The following PPP1R12A variants were observed in gnomAD, a reference collection of about 807,000 sequenced individuals.
PPP1R12A encodes the protein myosin binding subunit.
A neutral mutation model predicts 139.6 loss-of-function variants in PPP1R12A; 19 were observed. That is an observed-to-expected ratio of 0.14 (90% CI 0.09 to 0.20). PPP1R12A has a LOEUF of 0.20. PPP1R12A is among the 10% of genes least tolerant of loss of function. The pLI is 1.00. For missense variants in PPP1R12A, 925 were observed against 1,211.5 expected, an observed-to-expected ratio of 0.76 and a Z score of 3.51; for synonymous variants, 427 against 420.6, an observed-to-expected ratio of 1.02 and a Z score of -0.19.
chr12:79,872,755 T>G, intron 2 of PPP1R12A, 53 bp downstream of exon 2: 13 of 1,562,520 alleles, frequency 8.3e-6, no homozygotes, highest in Non-Finnish European at 1.0e-5. Context: ...TCAATAAACA[T>G]TCAGGTCTGT....
At chr12:79,803,563 T>C (rs753946914) in intron 14 of PPP1R12A, among the ~76,000 whole-genome samples, 1 of 152,162 alleles carries the variant, frequency 6.6e-6, no homozygotes, top group African/African-American at 2.4e-5. Flanking sequence ...ATACATTTTT[T>C]AGGCAAATTT....
chr12:79,805,835 C>T, intron 13 of PPP1R12A, 67 bp from the exon 14 acceptor site: 9 of 1,464,610 alleles, frequency 6.1e-6, no homozygotes, highest in Non-Finnish European at 8.4e-6. Flanking sequence ...AAAGCACTTT[C>T]TAGCAGCTGA....
At chr12:79,853,848 T>G (rs1233512445) in intron 2 of PPP1R12A, among the ~76,000 whole-genome samples, 3 of 152,238 alleles carry the variant, frequency 2.0e-5, no homozygotes, top group Non-Finnish European at 2.9e-5. Flanking sequence ...TCCTACACAT[T>G]TTAATGTCAT....
At chr12:79,895,387 T>C (rs1885041248) in intron 1 of PPP1R12A, among the ~76,000 whole-genome samples, 1 of 152,196 alleles carries the variant, frequency 6.6e-6, no homozygotes, top group Admixed American at 6.5e-5. Context: ...TTTATCTTTG[T>C]ATTATTTACA....
In PPP1R12A at chr12:79,784,701, G is replaced by A. The variant is rs562296470; in HGVS notation, c.2907+1673C>T. On this transcript the variant is annotated intron_variant, in intron 22 of 24. Coordinates refer to ENST00000450142, the MANE Select transcript of PPP1R12A (RefSeq NM_002480.3). ...ACCCAGGCTGGAGTTGCAGTGGCAC[G>A]ATCTTGGCTTACTGCAACCTCCACC... is the stretch of plus-strand genomic sequence containing the variant. 6.6e-5 allele frequency among the ~76,000 whole-genome samples: 10 copies of A among 152,078 alleles called. No homozygotes were observed. In the South Asian group the frequency reaches 1.5e-3, roughly 22 times the overall value.
chr12:79,900,810 C>T (rs562731798), intron 1 of PPP1R12A, among the ~76,000 whole-genome samples: 144 of 152,206 alleles, frequency 9.5e-4, no homozygotes, highest in Middle Eastern at 3.4e-3. Context: ...GAAGGATTGT[C>T]CATCTATTAA....
chr12:79,843,118 C>T (rs925782938), intron 3 of PPP1R12A, among the ~76,000 whole-genome samples: 1 of 151,996 alleles, frequency 6.6e-6, no homozygotes, highest in Admixed American at 6.6e-5. Context: ...TGTTTGATTT[C>T]CTTCCTTAAG....
intron 1 of PPP1R12A, among the ~76,000 whole-genome samples, chr12:79,931,394 T>A (rs910635294): frequency 6.6e-6 from 1 of 151,948 alleles, no homozygotes; most frequent in Admixed American, 6.6e-5. Context: ...GAAATGAGGC[T>A]TGGAGCTTTG....
At chr12:79,784,870 C>G (rs1870914838) in intron 22 of PPP1R12A, among the ~76,000 whole-genome samples, 1 of 152,136 alleles carries the variant, frequency 6.6e-6, no homozygotes, top group African/African-American at 2.4e-5. Flanking sequence ...AGCTCGTGAC[C>G]TCAGGTGATC....
At chr12:79,778,647 C>A in intron 23 of PPP1R12A, 47 bp from the exon 24 acceptor site, 1 of 1,253,248 alleles carries the variant, frequency 8.0e-7, no homozygotes, top group South Asian at 1.6e-5. Flanking sequence ...TTATTATATT[C>A]TTAAGTCTTC....
chr12:79,884,544 C>T (rs560629404), intron 1 of PPP1R12A, among the ~76,000 whole-genome samples: 136 of 152,068 alleles, frequency 8.9e-4, no homozygotes, highest in African/African-American at 3.1e-3. Context: ...CAAAGCATGC[C>T]CATAAAAATA....
intron 1 of PPP1R12A, among the ~76,000 whole-genome samples, chr12:79,913,536 T>A (rs974650524): frequency 5.3e-4 from 80 of 152,326 alleles, no homozygotes; most frequent in African/African-American, 1.8e-3. Context: ...CATTAGTTTG[T>A]TGTCTAATTT....
At chr12:79,794,850 T>C (rs1872323193) in intron 18 of PPP1R12A, among the ~76,000 whole-genome samples, 1 of 152,148 alleles carries the variant, frequency 6.6e-6, no homozygotes, top group African/African-American at 2.4e-5. Flanking sequence ...ATATATCTTA[T>C]AAACATAACA....
At chr12:79,863,385 G>A (rs1050449320) in intron 2 of PPP1R12A, among the ~76,000 whole-genome samples, 12 of 151,988 alleles carry the variant, frequency 7.9e-5, no homozygotes, top group African/African-American at 2.7e-4. Flanking sequence ...AAATACCATC[G>A]ACACTATGAA....
intron 1 of PPP1R12A, among the ~76,000 whole-genome samples, chr12:79,916,804 C>T (rs1031623871): frequency 3.9e-5 from 6 of 152,124 alleles, no homozygotes; most frequent in Non-Finnish European, 7.4e-5. Flanking sequence ...CAAACACTAG[C>T]AAACTAAAAT....
chr12:79,880,068 T>TCACTAATTCCTTTAGCTA (rs1883485849), intron 1 of PPP1R12A, among the ~76,000 whole-genome samples: 1 of 152,176 alleles, frequency 6.6e-6, no homozygotes, highest in Admixed American at 6.5e-5. Context: ...CGGCTAAATA[T>TCACTAATTCCTTTAGCTA]CACTAATTCC....
At chr12:79,851,052 A>T (rs139334737) in intron 2 of PPP1R12A, among the ~76,000 whole-genome samples, 1 of 152,342 alleles carries the variant, frequency 6.6e-6, no homozygotes, top group Non-Finnish European at 1.5e-5. Context: ...AAAAAGTAGT[A>T]TTAAAAAGTT....
chr12:79,783,586 C>T (rs1486813362), intron 22 of PPP1R12A, among the ~76,000 whole-genome samples: 1 of 151,866 alleles, frequency 6.6e-6, no homozygotes, highest in African/African-American at 2.4e-5. Context: ...TGATACACCA[C>T]GTGAGGATTT....
chr12:79,827,969 G>A (rs1876995538), intron 5 of PPP1R12A, among the ~76,000 whole-genome samples: 1 of 152,106 alleles, frequency 6.6e-6, no homozygotes. Context: ...ACTCAAAGGG[G>A]TGGCAGAAAA....
Sources: gnomAD v4.1 joint callset for allele counts (sites outside exome capture counted in the v4.1 genomes callset) on GRCh38, gnomAD v4.1.1 for gene constraint, MANE v1.5 for transcripts, NCBI Gene and HGNC (gene_info 2026-07-23, HGNC 2026-07-21) for gene names.